Variants in PC observed in about 807,000 individuals in gnomAD.
PC encodes pyruvate carboxylase, mitochondrial.
Under a neutral mutation model 107.8 loss-of-function variants are expected in PC, and 46 were observed. The ratio of observed to expected loss-of-function variants is 0.43; its 90% CI spans 0.34 to 0.55. The LOEUF is 0.55. Ranked by LOEUF, PC falls within the 20% of genes least tolerant of loss-of-function variation. The probability of loss-of-function intolerance (pLI) is 0.04; values close to 1 mark genes in which losing one functional copy is unlikely to be tolerated. For missense variants in PC, 1,241 were observed against 1,643.1 expected, an observed-to-expected ratio of 0.76 and a Z score of 4.23; for synonymous variants, 662 against 684.7, an observed-to-expected ratio of 0.97 and a Z score of 0.52.
chr11:66,891,891 G>C (rs1947589483), intron 3 of PC, among the ~76,000 whole-genome samples: 2 of 152,108 alleles, frequency 1.3e-5, no homozygotes, highest in South Asian at 4.1e-4. Context: ...GATTATTACT[G>C]AAGTTGGCTA....
rs113994142 is a variant in PC, at chr11:66,870,409, A to C, written c.796T>G (p.Ser266Ala). 1.2e-6 allele frequency: 2 copies of C among 1,613,672 alleles called. No individual in the cohort carries two copies. The highest frequency in any genetic ancestry group is 8.5e-7 in the Non-Finnish European group (1 of 1,179,984). Residue 266 changes from serine (S) to alanine (A), a missense_variant, in exon 9 of 23, where the codon TCC becomes GCC. By Grantham distance (99) the Ser-to-Ala change is moderately conservative. This residue lies in a region of PC where 1,143 missense variants were observed against 1,551.9 expected (regional missense o/e 0.74). Coordinates refer to ENST00000393960, the MANE Select transcript of PC (RefSeq NM_001040716.2). The surrounding 1 kb of genome is among the most constrained non-coding windows in gnomAD (Gnocchi z 6.1). ...ACCTTCTGGTGCCGCCGCTGGATGGAGCAGTCTCGCTCGTACAGGTGCAGG... is the reference window on the plus strand; with the variant it reads ...ACCTTCTGGTGCCGCCGCTGGATGGCGCAGTCTCGCTCGTACAGGTGCAGG... Reference protein sequence around the residue: ...NILHLYERDCSIQRRHQKVVE... With the variant: ...NILHLYERDCAIQRRHQKVVE...
At chr11:66,849,208 C>G in intron 22 of PC, 22 bp downstream of exon 22, 1 of 1,613,820 alleles carries the variant, frequency 6.2e-7, no homozygotes, top group Non-Finnish European at 8.5e-7. Flanking sequence ...CACCGCCTGG[C>G]TGGCCCTGGG....
At chr11:66,867,808 G>C (rs1380562980) in intron 10 of PC, among the ~76,000 whole-genome samples, 2 of 152,254 alleles carry the variant, frequency 1.3e-5, no homozygotes, top group Non-Finnish European at 2.9e-5. Flanking sequence ...CGGCCAAAGT[G>C]TTGGCCTTGT....
At chr11:66,915,848 T>C (rs1053926261) in intron 3 of PC, among the ~76,000 whole-genome samples, 2 of 152,200 alleles carry the variant, frequency 1.3e-5, no homozygotes, top group African/African-American at 4.8e-5. Flanking sequence ...AGGCCCCAGA[T>C]TTGGTTCTGT....
At chr11:66,894,394 C>G (rs1175050099) in intron 3 of PC, among the ~76,000 whole-genome samples, 1 of 152,244 alleles carries the variant, frequency 6.6e-6, no homozygotes, top group Non-Finnish European at 1.5e-5. Flanking sequence ...TTTGCCCATG[C>G]AAGTCCTGCT....
chr11:66,882,529 AGAG>A (rs1947220508), intron 3 of PC, among the ~76,000 whole-genome samples: 1 of 152,198 alleles, frequency 6.6e-6, no homozygotes, highest in South Asian at 2.1e-4. Context: ...AGCAGAGGGC[AGAG>A]AAGAAAGAAG....
intron 3 of PC, among the ~76,000 whole-genome samples, chr11:66,912,954 C>T (rs1948371336): frequency 6.6e-6 from 1 of 152,068 alleles, no homozygotes; most frequent in Non-Finnish European, 1.5e-5. Context: ...GGGAAGGCTC[C>T]TTCTCTCATT....
At chr11:66,905,434 C>T (rs1353213001) in intron 3 of PC, among the ~76,000 whole-genome samples, 1 of 152,200 alleles carries the variant, frequency 6.6e-6, no homozygotes, top group South Asian at 2.1e-4. Context: ...GGAGCCAGTT[C>T]AAATCCTGAT....
chr11:66,920,402 T>TAA (rs1030723182), intron 3 of PC, among the ~76,000 whole-genome samples: 1 of 151,932 alleles, frequency 6.6e-6, no homozygotes, highest in African/African-American at 2.4e-5. Flanking sequence ...ACCTGAAACT[T>TAA]AAATTCACCT....
chr11:66,859,184 C>G (rs1946086513), intron 12 of PC: 2 of 1,403,778 alleles, frequency 1.4e-6, no homozygotes, highest in African/African-American at 2.9e-5. Flanking sequence ...CCCCTCCTCT[C>G]TCTGGGGCTG....
Position 66,852,772 on chromosome 11 carries a change from G to T in PC, c.1578C>A (p.Asp526Glu). 2 of 1,604,372 alleles carry T rather than the reference G, an allele frequency of 1.2e-6. No individual in the cohort carries two copies. Among genetic ancestry groups the T allele is most frequent in the Non-Finnish European group, 1.7e-6 (2 of 1,172,940 alleles). Residue 526 changes from aspartate to glutamate, a missense_variant, in exon 14 of 23, where the codon GAC becomes GAA. Physicochemically the swap from Asp to Glu is conservative, Grantham distance 45. This residue lies in a region of PC where 1,143 missense variants were observed against 1,551.9 expected (regional missense o/e 0.74). Transcript: ENST00000393960. This position sits in a 1 kb window ranked among gnomAD's most constrained non-coding sequence, Gnocchi z 4.7. ...CTATGGGCACTGCAGGGACAACGGG[G>T]TCCGTGGGGCTGGGGCTGGCCTTGA... is the stretch of plus-strand genomic sequence containing the variant. Reference protein sequence around the residue: ...IPVKASPSPTDPVVPAVPIGP... With the variant: ...IPVKASPSPTEPVVPAVPIGP...
intron 3 of PC, among the ~76,000 whole-genome samples, chr11:66,877,263 A>G (rs1158692044): frequency 4.6e-5 from 7 of 152,172 alleles, no homozygotes; most frequent in Non-Finnish European, 8.8e-5. Flanking sequence ...GTGGGCGCCT[A>G]TAGTCCCAGC....
intron 1 of PC, among the ~76,000 whole-genome samples, chr11:66,957,314 TAAAG>T (rs1389313893): frequency 6.6e-6 from 1 of 152,176 alleles, no homozygotes; most frequent in African/African-American, 2.4e-5. Context: ...TCTCACAAAA[TAAAG>T]ACACAATCTG....
rs1217745897 is a variant in PC at position 66,851,127 on chromosome 11, G to A, written c.2136C>T (p.Asp712=). The change falls in exon 17 of 23, where the codon GAC becomes GAT. Residue 712 remains aspartate (D), a synonymous_variant. Coordinates refer to ENST00000393960, the MANE Select transcript of PC (RefSeq NM_001040716.2). ...GCAGTGAGTACTTGGTGCGGCTGGG[G>A]TCGGCCACGTCGCCCGTGTATGAGA... is the stretch of plus-strand genomic sequence containing the variant. The part of the protein sequence containing the change: ...AAISYTGDVA[D]PSRTKYSLQY... The A allele has an allele frequency of 1.2e-6, 2 of 1,612,716 alleles. No homozygotes were observed. Among genetic ancestry groups the A allele is most frequent in the East Asian group, 4.5e-5 (2 of 44,900 alleles).
At chr11:66,942,994 C>T (rs1949182910) in intron 3 of PC, among the ~76,000 whole-genome samples, 1 of 149,520 alleles carries the variant, frequency 6.7e-6, no homozygotes. Context: ...CCAGCCTGGG[C>T]AACGAGAGCG....
intron 21 of PC, 31 bp from the exon 22 acceptor site, chr11:66,849,401 G>A: frequency 6.2e-7 from 1 of 1,611,200 alleles, no homozygotes; most frequent in Non-Finnish European, 8.5e-7. Flanking sequence ...CTCAGAGCTG[G>A]ACGCCAAGGT....
chr11:66,926,234 G>A (rs1472603822), intron 3 of PC, among the ~76,000 whole-genome samples: 1 of 152,118 alleles, frequency 6.6e-6, no homozygotes, highest in African/African-American at 2.4e-5. Flanking sequence ...AATATAAAAT[G>A]TACAGCTCTT....
At position 66,863,773 on chromosome 11, in the gene PC, C is replaced by A. The variant is rs755640269; in HGVS notation, c.1368+1G>T. Reference sequence around the variant, plus strand: ...GGCAGGCGGGGGCTGCAGCCTCTCACCTTCACACCTCGGACGCGGAACTCC... The same window carrying A: ...GGCAGGCGGGGGCTGCAGCCTCTCAACTTCACACCTCGGACGCGGAACTCC... On this transcript the variant is annotated splice_donor_variant, in intron 12 of 22. Coordinates refer to ENST00000393960, the MANE Select transcript of PC (RefSeq NM_001040716.2). LOFTEE classifies it high-confidence loss of function. 1.2e-6 allele frequency: 2 copies of A among 1,608,074 alleles called. No individual in the cohort carries two copies. Among genetic ancestry groups the A allele is most frequent in the Non-Finnish European group, 1.7e-6 (2 of 1,177,612 alleles).
chr11:66,904,488 A>G (rs772264129), intron 3 of PC, among the ~76,000 whole-genome samples: 29 of 152,164 alleles, frequency 1.9e-4, no homozygotes, highest in Non-Finnish European at 3.7e-4. Flanking sequence ...AAATACAAAA[A>G]TTAGCCTTGC....
Sources: allele counts gnomAD v4.1 joint callset (sites outside exome capture counted in the v4.1 genomes callset), GRCh38; gene constraint gnomAD v4.1.1; regional missense constraint gnomAD v4.1.1; non-coding constraint Gnocchi (gnomAD v3.1); transcripts MANE v1.5; gene names NCBI Gene and HGNC (gene_info 2026-07-23, HGNC 2026-07-21).